The following FRMD6 variants were observed in gnomAD, a reference collection of about 807,000 sequenced individuals.
The protein encoded by FRMD6 is FERM domain containing 6, also known as FERM domain-containing protein 6.
Under a neutral mutation model 73.2 loss-of-function variants are expected in FRMD6, and 37 were observed. That is an observed-to-expected ratio of 0.51 (90% confidence interval 0.39 to 0.66). The LOEUF (loss-of-function observed/expected upper bound fraction) is 0.66, where lower values mean the gene tolerates loss of function less well. Ranked by LOEUF, FRMD6 falls within the 30% of genes least tolerant of loss-of-function variation. The probability of loss-of-function intolerance (pLI) is 0.00; values close to 1 mark genes in which losing one functional copy is unlikely to be tolerated. For missense variants in FRMD6, 714 were observed against 780.5 expected, an observed-to-expected ratio of 0.91 and a Z score of 1.02; for synonymous variants, 273 against 282.2, an observed-to-expected ratio of 0.97 and a Z score of 0.33.
At chr14:51,405,842 A>T in the FRMD6 span, among the ~76,000 whole-genome samples, 1 of 151,908 alleles carries the variant, frequency 6.6e-6, no homozygotes, top group South Asian at 2.1e-4. Context: ...GTTTAATTAG[A>T]TCCCTCTTGT....
chr14:51,699,533 G>C (rs1896158376), intron 3 of FRMD6, among the ~76,000 whole-genome samples: 1 of 151,994 alleles, frequency 6.6e-6, no homozygotes, highest in African/African-American at 2.4e-5. Context: ...TAGTAGTATG[G>C]CGAAAGAACA....
chr14:51,684,454 T>A (rs1262161173), intron 1 of FRMD6, among the ~76,000 whole-genome samples: 1 of 152,236 alleles, frequency 6.6e-6, no homozygotes, highest in African/African-American at 2.4e-5. Flanking sequence ...TAGCACTCAG[T>A]TGCTAATCTT....
the FRMD6 span, among the ~76,000 whole-genome samples, chr14:51,453,004 T>C: frequency 6.6e-6 from 1 of 152,082 alleles, no homozygotes; most frequent in Non-Finnish European, 1.5e-5. Flanking sequence ...ATGGAGACAG[T>C]GAGTTCAGTC....
At chr14:51,504,285 G>A (rs1214851897) in intron 1 of FRMD6, among the ~76,000 whole-genome samples, 1 of 152,208 alleles carries the variant, frequency 6.6e-6, no homozygotes, top group African/African-American at 2.4e-5. Flanking sequence ...AGCAAAGATG[G>A]CAGCCAGTTC....
At chr14:51,582,003 A>G (rs977611297) in intron 2 of FRMD6, among the ~76,000 whole-genome samples, 2 of 152,236 alleles carry the variant, frequency 1.3e-5, no homozygotes, top group Admixed American at 1.3e-4. Context: ...AAAAGGGCTT[A>G]TCTTTTATCT....
At chr14:51,441,658 T>A in the FRMD6 span, among the ~76,000 whole-genome samples, 2 of 152,220 alleles carry the variant, frequency 1.3e-5, no homozygotes, top group Non-Finnish European at 2.9e-5. Flanking sequence ...ACAGAGAGAA[T>A]GCAGGTGTCT....
chr14:51,446,988 A>C, the FRMD6 span, among the ~76,000 whole-genome samples: 4 of 152,302 alleles, frequency 2.6e-5, no homozygotes, highest in South Asian at 8.3e-4. Flanking sequence ...AGGAAATTCC[A>C]CAATGGCTGT....
chr14:51,533,146 C>A (rs1885686605), intron 1 of FRMD6, among the ~76,000 whole-genome samples: 1 of 152,136 alleles, frequency 6.6e-6, no homozygotes, highest in Non-Finnish European at 1.5e-5. Context: ...AGCCCAATGA[C>A]AAAGAGAGGA....
At chr14:51,575,054 C>CT (rs1359532756) in intron 2 of FRMD6, among the ~76,000 whole-genome samples, 6 of 152,102 alleles carry the variant, frequency 3.9e-5, no homozygotes, top group South Asian at 2.1e-4. Flanking sequence ...GCAGTTTGGC[C>CT]TTTTTTATCA....
At chr14:51,583,105 T>C (rs941702) in intron 2 of FRMD6, among the ~76,000 whole-genome samples, 67,296 of 152,032 alleles carry the variant, frequency 0.44, 15,225 homozygotes, top group Middle Eastern at 0.52. Context: ...TTAGAAATTC[T>C]CATTCCCAAC....
At chr14:51,614,213 GT>G (rs1008264335) in intron 2 of FRMD6, among the ~76,000 whole-genome samples, 1 of 151,860 alleles carries the variant, frequency 6.6e-6, no homozygotes, top group Non-Finnish European at 1.5e-5. Context: ...GGGTTGGTTG[GT>G]TTTTTTGTTT....
chr14:51,399,898 A>T, the FRMD6 span, among the ~76,000 whole-genome samples: 2 of 150,418 alleles, frequency 1.3e-5, no homozygotes, highest in Admixed American at 6.6e-5. Context: ...TTTTGAATTT[A>T]TTTTTTCTTT....
intron 13 of FRMD6, 119 bp downstream of exon 13, chr14:51,725,989 A>T: frequency 1.6e-6 from 1 of 625,428 alleles, no homozygotes; most frequent in African/African-American, 1.9e-5. Context: ...GATCCTTCCT[A>T]GATACGTACA....
intron 2 of FRMD6, among the ~76,000 whole-genome samples, chr14:51,615,534 A>C (rs73290917): frequency 0.077 from 11,678 of 152,250 alleles, 1,068 homozygotes; most frequent in African/African-American, 0.22. Context: ...GGCCTGCAGG[A>C]ATGAAAATCA....
chr14:51,650,245 A>C (rs1892271513), upstream of FRMD6: 2 of 152,220 alleles, frequency 1.3e-5, no homozygotes, highest in South Asian at 4.1e-4. Context: ...AAAATGTAAA[A>C]GCTGTGACTG....
chr14:51,661,416 G>A (rs1005926574), intron 1 of FRMD6, among the ~76,000 whole-genome samples: 2 of 139,680 alleles, frequency 1.4e-5, no homozygotes, highest in Admixed American at 1.4e-4. Context: ...GTTATCACTA[G>A]AAGATATTGT....
At chr14:51,442,117 T>C in the FRMD6 span, among the ~76,000 whole-genome samples, 65 of 152,310 alleles carry the variant, frequency 4.3e-4, no homozygotes, top group African/African-American at 1.5e-3. Flanking sequence ...GTGAAGCACA[T>C]TAAATGTTTC....
chr14:51,693,834 A>C (rs1451121461), intron 2 of FRMD6, among the ~76,000 whole-genome samples: 1 of 152,168 alleles, frequency 6.6e-6, no homozygotes, highest in African/African-American at 2.4e-5. Context: ...CTCTCCAGTA[A>C]GCGGTTGGAC....
chr14:51,525,252 CTTTATTTATTTATT>C (rs943902596), intron 1 of FRMD6, among the ~76,000 whole-genome samples: 32 of 151,822 alleles, frequency 2.1e-4, no homozygotes, highest in African/African-American at 7.0e-4. Flanking sequence ...AAAGGCCCTT[CTTTATTTATTTATT>C]TTTATTTATT....
Sources: gnomAD v4.1 joint callset for allele counts (sites outside exome capture counted in the v4.1 genomes callset) on GRCh38, gnomAD v4.1.1 for gene constraint, MANE v1.5 for transcripts, NCBI Gene and HGNC (gene_info 2026-07-23, HGNC 2026-07-21) for gene names.